LMF1: variants seen among roughly 807,000 people sequenced by gnomAD.
LMF1 encodes lipase maturation factor 1, also known as transmembrane protein 112.
A neutral mutation model predicts 60.6 loss-of-function variants in LMF1; 68 were observed. That is an observed-to-expected ratio of 1.12 (90% CI 0.92 to 1.37). LMF1 has a LOEUF of 1.37. Ranked by LOEUF, LMF1 falls within the 40% of genes most tolerant of loss-of-function variation. The pLI, the probability that LMF1 is intolerant of heterozygous loss-of-function variation, is 0.00. For synonymous variants in LMF1, 418 were observed against 324.7 expected (o/e 1.29, Z -3.09); for missense variants, 948 against 767.2 (o/e 1.24, Z -2.78).
chr16:917,091 C>A (rs1359476217), intron 3 of LMF1, among the ~76,000 whole-genome samples: 2 of 152,218 alleles, frequency 1.3e-5, no homozygotes, highest in Non-Finnish European at 2.9e-5. Context: ...GCTAAAGTCA[C>A]GTGTATGGGG....
chr16:978,794 A>G (rs2073251101), intron 1 of LMF1, among the ~76,000 whole-genome samples: 1 of 151,956 alleles, frequency 6.6e-6, no homozygotes, highest in Admixed American at 6.5e-5. Context: ...GGATGAAGAC[A>G]TGGGCCCATC....
chr16:939,208 T>A (rs1201139260), intron 2 of LMF1, among the ~76,000 whole-genome samples: 1 of 151,994 alleles, frequency 6.6e-6, no homozygotes, highest in East Asian at 1.9e-4. Flanking sequence ...TCAGTGGTTT[T>A]TCGGAAATGG....
rs1596984500 is a variant in LMF1 at position 914,818 on chromosome 16, T to C, written c.515-3739A>G. Among the ~76,000 whole-genome samples the C allele has an allele frequency of 2.4e-5, 3 of 125,144 alleles. No homozygotes were observed. The South Asian group carries it at 9.0e-4, about 37-fold the overall frequency. The allele number at this position is 125,144 out of a possible 152,430, so 82.1% of individuals were successfully genotyped here. ...GACACACTCCCTCCCTCCCTTCCCA[T>C]GACCATCTCCCTCTCTCCCATGACC... On this transcript the variant is annotated intron_variant, in intron 3 of 10. Coordinates refer to ENST00000262301, the MANE Select transcript of LMF1 (RefSeq NM_022773.4).
intron 10 of LMF1, among the ~76,000 whole-genome samples, chr16:867,673 G>A (rs1012256143): frequency 1.2e-4 from 19 of 152,186 alleles, no homozygotes; most frequent in African/African-American, 4.1e-4. Context: ...CCCTGAGGGC[G>A]CCAGCTAGGA....
intron 10 of LMF1, among the ~76,000 whole-genome samples, chr16:867,544 C>T (rs2069645300): frequency 6.6e-6 from 1 of 152,190 alleles, no homozygotes; most frequent in East Asian, 1.9e-4. Flanking sequence ...GGCCTGGTCC[C>T]CAGTGAGCCA....
chr16:934,244 C>T lies in LMF1; in HGVS notation c.514G>A (p.Gly172Arg), dbSNP rs201406396. 4.6e-5 allele frequency: 74 copies of T among 1,599,320 alleles called. No individual in the cohort carries two copies. Among genetic ancestry groups the T allele is most frequent in the East Asian group, 2.0e-4 (9 of 44,870 alleles). The change falls in exon 3 of 11, where the codon GGA becomes AGA. Residue 172 changes from glycine (G) to arginine (R), a missense_variant and splice_region_variant. Transcript: ENST00000262301. ...VNVGHVWYSFGWESQLLETGF... is the reference protein window; with the variant it reads ...VNVGHVWYSFRWESQLLETGF... ...CTTTCTCTAAATGCATCTCACTTAC[C>T]GAAAGAGTACCTGAAAAACAAAAGA... is the stretch of plus-strand genomic sequence containing the variant.
chr16:926,876 G>A, intron 3 of LMF1, among the ~76,000 whole-genome samples: 1 of 152,114 alleles, frequency 6.6e-6, no homozygotes, highest in East Asian at 1.9e-4. Context: ...CTAGCCATAG[G>A]AGTCCTCCCT....
At chr16:937,531 TG>T (rs1390983991) in intron 2 of LMF1, among the ~76,000 whole-genome samples, 1 of 152,136 alleles carries the variant, frequency 6.6e-6, no homozygotes, top group East Asian at 1.9e-4. Context: ...GACAGGCTGC[TG>T]GGGTCTCTGT....
chr16:937,154 C>T (rs111274782), intron 2 of LMF1, among the ~76,000 whole-genome samples: 45 of 152,328 alleles, frequency 3.0e-4, no homozygotes, highest in African/African-American at 9.9e-4. Flanking sequence ...TTGAATTTTG[C>T]ATTTCAAGGC....
intron 3 of LMF1, chr16:931,705 G>A: frequency 2.3e-6 from 3 of 1,287,228 alleles, no homozygotes; most frequent in Non-Finnish European, 2.0e-6. Context: ...AAAGACGCAT[G>A]GCTGCTCGGA....
At chr16:970,990 G>T (rs768250462), upstream of LMF1, 3 of 1,478,380 alleles carry the variant, frequency 2.0e-6, no homozygotes, top group South Asian at 2.7e-5. Flanking sequence ...TGTGCGGGGA[G>T]GGCGCACTCC....
intron 6 of LMF1, among the ~76,000 whole-genome samples, chr16:875,034 G>A (rs934493038): frequency 2.0e-5 from 3 of 152,144 alleles, no homozygotes; most frequent in African/African-American, 2.4e-5. Flanking sequence ...AAGGGGGGAC[G>A]CCAGGCCACG....
At chr16:953,897 ACGTC>A (rs2072574578) in intron 2 of LMF1, among the ~76,000 whole-genome samples, 1 of 89,712 alleles carries the variant, frequency 1.1e-5, no homozygotes, top group Non-Finnish European at 2.3e-5. Context: ...AGCCTCCTAC[ACGTC>A]CACACAGACA....
At chr16:862,524 T>C (rs533792913) in intron 10 of LMF1, among the ~76,000 whole-genome samples, 2 of 152,298 alleles carry the variant, frequency 1.3e-5, no homozygotes, top group African/African-American at 4.8e-5. Flanking sequence ...TCTTGTATTA[T>C]CTTTGTGTGG....
intron 5 of LMF1, among the ~76,000 whole-genome samples, chr16:888,232 C>T (rs1430732096): frequency 1.3e-5 from 2 of 152,190 alleles, no homozygotes; most frequent in Non-Finnish European, 2.9e-5. Flanking sequence ...CCCGCCCAGG[C>T]CCTGGCAGGG....
intron 1 of LMF1, among the ~76,000 whole-genome samples, chr16:969,208 G>A (rs968590740): frequency 2.6e-5 from 4 of 152,210 alleles, no homozygotes; most frequent in Non-Finnish European, 4.4e-5. Flanking sequence ...CCAGCTACTC[G>A]GAAGGCTGAG....
chr16:898,465 C>G (rs1424787936), intron 4 of LMF1, among the ~76,000 whole-genome samples: 1 of 152,242 alleles, frequency 6.6e-6, no homozygotes, highest in Non-Finnish European at 1.5e-5. Context: ...TCTGAAAACA[C>G]CTGAACTGCT....
chr16:947,093 C>T (rs1045125563), intron 2 of LMF1, among the ~76,000 whole-genome samples: 5 of 152,204 alleles, frequency 3.3e-5, no homozygotes, highest in South Asian at 2.1e-4. Flanking sequence ...GCTTTTCCCA[C>T]GCCATTTGAA....
At chr16:938,801 C>A (rs1002702041) in intron 2 of LMF1, among the ~76,000 whole-genome samples, 1 of 152,166 alleles carries the variant, frequency 6.6e-6, no homozygotes, top group African/African-American at 2.4e-5. Flanking sequence ...AGTACATAGT[C>A]CATTCACTAC....
Sources: gnomAD v4.1 joint callset for allele counts (sites outside exome capture counted in the v4.1 genomes callset) on GRCh38, gnomAD v4.1.1 for gene constraint, MANE v1.5 for transcripts, NCBI Gene and HGNC (gene_info 2026-07-23, HGNC 2026-07-21) for gene names.